The following MFSD2B variants were observed in gnomAD, a reference collection of about 807,000 sequenced individuals.
MFSD2B encodes sphingosine-1-phosphate transporter MFSD2B.
MFSD2B carries 56 observed loss-of-function variants against 58.4 expected under a neutral mutation model. That is an observed-to-expected ratio of 0.96 (90% CI 0.77 to 1.20). The LOEUF (loss-of-function observed/expected upper bound fraction) is 1.20. Among genes scored for constraint, MFSD2B ranks in the 50% most tolerant of loss-of-function variants. The pLI, the probability that MFSD2B is intolerant of heterozygous loss-of-function variation, is 0.00. For missense variants in MFSD2B, 645 were observed against 667.6 expected, an observed-to-expected ratio of 0.97 and a Z score of 0.37; for synonymous variants, 287 against 294.4, an observed-to-expected ratio of 0.97 and a Z score of 0.26.
Position 24,023,440 on chromosome 2 carries a change from C to T in MFSD2B, c.1170-143C>T. On this transcript the variant is annotated intron_variant, in intron 11 of 13. Coordinates refer to ENST00000338315, the MANE Select transcript of MFSD2B (RefSeq NM_001346880.2). The surrounding 1 kb of genome is among the most constrained non-coding windows in gnomAD (Gnocchi z 5.0). Reference sequence around the variant, plus strand: ...GGGGCTGGCGGGGGGTACGAGCACACAGGCCATCTGCTTCTCTGGTGGCCA... The same window carrying T: ...GGGGCTGGCGGGGGGTACGAGCACATAGGCCATCTGCTTCTCTGGTGGCCA... The T allele has an allele frequency of 1.9e-6, 2 of 1,051,144 alleles. No homozygotes were observed. The highest frequency in any genetic ancestry group is 2.7e-6 in the Non-Finnish European group (2 of 727,732). 65.1% of individuals were successfully genotyped at this position (1,051,144 alleles called of 1,614,324 possible). A position where few individuals can be genotyped will look rare whatever the true frequency, so the allele number is the denominator to read the frequency against.
rs1384172394 is a variant in MFSD2B, at chr2:24,022,006, C to T, written c.894+36C>T. On this transcript the variant is annotated intron_variant, in intron 8 of 13. Coordinates refer to ENST00000338315, the MANE Select transcript of MFSD2B (RefSeq NM_001346880.2). This position sits in a 1 kb window ranked among gnomAD's most constrained non-coding sequence, Gnocchi z 4.5. ...CCAGCTGCCCCCGACAGGCTTGGTG[C>T]TGGCCATGCTGACCTTGCATAGGTT... The T allele has an allele frequency of 6.2e-7, 1 of 1,613,022 alleles. No homozygotes were observed. Among genetic ancestry groups the T allele is most frequent in the Non-Finnish European group, 8.5e-7 (1 of 1,179,378 alleles).
rs921430813 is a variant in MFSD2B, at chr2:24,024,104, G to T, written c.1323G>T (p.Gly441=). Residue 441 remains glycine (G), a synonymous_variant, in exon 13 of 14, where the codon GGG becomes GGT. Transcript: ENST00000338315. The surrounding 1 kb of genome is among the most constrained non-coding windows in gnomAD (Gnocchi z 4.3). The stretch of plus-strand genomic sequence containing the variant: ...GCTGATGTTTCTCCAGGTTCTCGGG[G>T]TATAAGGCAGGGGTCTGCAAGCAAG... ...GISTLSLEFS[G]YKAGVCKQAE... 2 of 1,613,704 alleles carry T rather than the reference G, an allele frequency of 1.2e-6. No individual in the cohort carries two copies. Among genetic ancestry groups the T allele is most frequent in the African/African-American group, 2.7e-5 (2 of 74,920 alleles).
chr2:24,018,095 T>G (rs141483804), intron 6 of MFSD2B: 1,587 of 155,958 alleles, frequency 0.01, 16 homozygotes, highest in Middle Eastern at 0.035. Flanking sequence ...ACCTCTATTT[T>G]ATCCACCACA....
chr2:24,017,052 G>A lies in MFSD2B; in HGVS notation c.471+84G>A. 1 of 1,539,994 alleles carries A rather than the reference G, an allele frequency of 6.5e-7. No individual in the cohort carries two copies. Among genetic ancestry groups the A allele is most frequent in the Non-Finnish European group, 8.8e-7 (1 of 1,141,028 alleles). On this transcript the variant is annotated intron_variant, in intron 4 of 13. Transcript: ENST00000338315. The surrounding 1 kb of genome is among the most constrained non-coding windows in gnomAD (Gnocchi z 4.8). Reference sequence around the variant, plus strand: ...ACTCTGAAGTGTGCTGTGGGGGCAGGGCTGCCGCCCTCCCCACCCGCCTGT... The same window carrying A: ...ACTCTGAAGTGTGCTGTGGGGGCAGAGCTGCCGCCCTCCCCACCCGCCTGT...
At position 24,017,538 on chromosome 2, in the gene MFSD2B, A is replaced by G; in HGVS notation, c.631A>G (p.Arg211Gly). ...CGTGTCCGGCGCCCACAGACCCCACAGGTGCGAGGCCACTGCGACCCCGGG... is the reference window on the plus strand; with the variant it reads ...CGTGTCCGGCGCCCACAGACCCCACGGGTGCGAGGCCACTGCGACCCCGGG... ...LIVSGAHRPH[R>G]CEATATPGPV... is the part of the protein sequence containing the mutation. The change falls in exon 6 of 14, where the codon AGG (arginine) becomes GGG (glycine). Residue 211 changes from arginine (R) to glycine (G), a missense_variant. Arg to Gly is a moderately radical substitution (Grantham distance 125, BLOSUM62 -2). Coordinates refer to ENST00000338315, the MANE Select transcript of MFSD2B (RefSeq NM_001346880.2). This position sits in a 1 kb window ranked among gnomAD's most constrained non-coding sequence, Gnocchi z 4.8. 1 of 1,574,462 alleles carries G rather than the reference A, an allele frequency of 6.4e-7. No individual in the cohort carries two copies. The highest frequency in any genetic ancestry group is 8.6e-7 in the Non-Finnish European group (1 of 1,160,062).
rs1011216085 is a variant in MFSD2B, at chr2:24,016,910, C to T, written c.413C>T (p.Thr138Ile). The T allele has an allele frequency of 6.2e-7, 1 of 1,613,900 alleles. No homozygotes were observed. Among genetic ancestry groups the T allele is most frequent in the Non-Finnish European group, 8.5e-7 (1 of 1,179,854 alleles). ...TTCCTGTGGTTCCTGCCCCCCTTCA[C>T]CAGCCTGCGAGGCCTCTGGTACACG... Reference protein sequence around the residue: ...YFFLWFLPPFTSLRGLWYTTF... With the variant: ...YFFLWFLPPFISLRGLWYTTF... Residue 138 changes from threonine (T) to isoleucine (I), a missense_variant, in exon 4 of 14, where the codon ACC becomes ATC. Transcript: ENST00000338315.
intron 2 of MFSD2B, among the ~76,000 whole-genome samples, chr2:24,015,947 T>C (rs913291281): frequency 1.3e-5 from 2 of 152,194 alleles, no homozygotes; most frequent in Non-Finnish European, 1.5e-5. Flanking sequence ...TGAGTACTAA[T>C]GGGAGTGTGC....
chr2:24,022,073 C>A lies in MFSD2B; in HGVS notation c.894+103C>A, dbSNP rs1437319374. 3 of 1,372,148 alleles carry A rather than the reference C, an allele frequency of 2.2e-6. No individual in the cohort carries two copies. The highest frequency in any genetic ancestry group is 1.8e-5 in the Admixed American group (1 of 54,972). The allele number at this position is 1,372,148 out of a possible 1,614,324, so 85.0% of individuals were successfully genotyped here. On this transcript the variant is annotated intron_variant, in intron 8 of 13. Transcript: ENST00000338315. The surrounding 1 kb of genome is among the most constrained non-coding windows in gnomAD (Gnocchi z 4.5). Reference sequence around the variant, plus strand: ...CTTGAGTTTTATAGGGAGAAACCTGCGGCTGGCACATGGCTCAGAGGGGCT... The same window carrying A: ...CTTGAGTTTTATAGGGAGAAACCTGAGGCTGGCACATGGCTCAGAGGGGCT...
At chr2:24,016,810 C>A (rs759669239) in intron 3 of MFSD2B, 35 bp from the exon 4 acceptor site, 3 of 1,608,510 alleles carry the variant, frequency 1.9e-6, no homozygotes, top group African/African-American at 1.3e-5. Context: ...CTGTCTGGGT[C>A]GGGGGGCCGC....
rs960835801 is a variant in MFSD2B at position 24,017,309 on chromosome 2, G to A, written c.495G>A (p.Ala165=). Residue 165 remains alanine (A), a synonymous_variant, in exon 5 of 14, where the codon GCG becomes GCA. Transcript: ENST00000338315. This position sits in a 1 kb window ranked among gnomAD's most constrained non-coding sequence, Gnocchi z 4.8. Reference sequence around the variant, plus strand: ...AGTTCTTCCAGGTGCCCTACACAGCGCTCACCATGCTGCTGACTCCCTGCC... The same window carrying A: ...AGTTCTTCCAGGTGCCCTACACAGCACTCACCATGCTGCTGACTCCCTGCC... ...LATFFQVPYT[A]LTMLLTPCPR... 28 of 1,604,150 alleles carry A rather than the reference G, an allele frequency of 1.7e-5. No individual in the cohort carries two copies. Among genetic ancestry groups the A allele is most frequent in the South Asian group, 2.2e-5 (2 of 89,106 alleles).
intron 6 of MFSD2B, among the ~76,000 whole-genome samples, chr2:24,019,747 G>A (rs556795557): frequency 6.6e-6 from 1 of 152,216 alleles, no homozygotes; most frequent in African/African-American, 2.4e-5. Context: ...GAAGGGCCTT[G>A]GAAAGTCAAT....
Position 24,022,472 on chromosome 2 carries a change from TC to T in MFSD2B, c.937del (p.Gln313SerfsTer11). Reference sequence around the variant, plus strand: ...CCTGGTCCTGTTCTGTACACATGCCTCCCAGCTACACGACCACGTCCAGGGC... The same window carrying T: ...CCTGGTCCTGTTCTGTACACATGCCTCCAGCTACACGACCACGTCCAGGGC... ...SYLVLFCTHA[S>X]QLHDHVQGLV... On this transcript the variant is annotated frameshift_variant, in exon 9 of 14. Transcript: ENST00000338315. LOFTEE classifies it high-confidence loss of function. The surrounding 1 kb of genome is among the most constrained non-coding windows in gnomAD (Gnocchi z 4.5). 1 of 1,613,282 alleles carries T rather than the reference TC, an allele frequency of 6.2e-7. No individual in the cohort carries two copies. The highest frequency in any genetic ancestry group is 8.5e-7 in the Non-Finnish European group (1 of 1,179,720).
intron 2 of MFSD2B, among the ~76,000 whole-genome samples, chr2:24,015,438 C>G (rs891152790): frequency 1.3e-5 from 2 of 152,052 alleles, no homozygotes; most frequent in South Asian, 4.2e-4. Flanking sequence ...GGCAACAGAG[C>G]GAGGCCCTGT....
Position 24,021,686 on chromosome 2 carries a change from G to C in MFSD2B, c.720G>C (p.Val240=), listed in dbSNP as rs777335703. The part of the protein sequence containing the change: ...LYCIAAAVVV[V]TYPVCISLLC... ...GCATTGCGGCTGCCGTGGTTGTAGT[G>C]ACTTACCCCGTGTGCATCAGTTTAC... The change falls in exon 7 of 14, where the codon GTG becomes GTC. Residue 240 remains valine, a synonymous_variant. Transcript: ENST00000338315. The surrounding 1 kb of genome is among the most constrained non-coding windows in gnomAD (Gnocchi z 5.7). 3 of 1,613,584 alleles carry C rather than the reference G, an allele frequency of 1.9e-6. No homozygotes were observed. The South Asian group carries it at 3.3e-5, about 18-fold the overall frequency.
At chr2:24,010,233 G>C in intron 1 of MFSD2B, 41 bp downstream of exon 1, 1 of 1,327,188 alleles carries the variant, frequency 7.5e-7, no homozygotes, top group Non-Finnish European at 9.7e-7. Context: ...CTGCGTCCTC[G>C]GGGAGCTCCA....
rs974945143 is a variant in MFSD2B, at chr2:24,025,889, A to G, written c.*433A>G. 3.1e-5 allele frequency: 5 copies of G among 162,660 alleles called. No individual in the cohort carries two copies. Among genetic ancestry groups the G allele is most frequent in the African/African-American group, 1.2e-4 (5 of 41,648 alleles). The allele number at this position is 162,660 out of a possible 1,614,324, so 10.1% of individuals were successfully genotyped here. On this transcript the variant is annotated 3_prime_UTR_variant, in exon 14 of 14. Coordinates refer to ENST00000338315, the MANE Select transcript of MFSD2B (RefSeq NM_001346880.2). ...CAGGTGCCCGCCACCACGCCCAGCT[A>G]ATTTTTGTATTTTTAGTAGAGACGG... is the stretch of plus-strand genomic sequence containing the variant.
chr2:24,016,244 G>A lies in MFSD2B; in HGVS notation c.311G>A (p.Arg104Lys). 3 of 1,613,990 alleles carry A rather than the reference G, an allele frequency of 1.9e-6. No homozygotes were observed. Among genetic ancestry groups the A allele is most frequent in the Middle Eastern group, 1.7e-4 (1 of 6,054 alleles). The change falls in exon 3 of 14, where the codon AGG becomes AAG. Residue 104 changes from arginine (R) to lysine (K), a missense_variant. Physicochemically the swap from Arg to Lys is conservative, Grantham distance 26. Coordinates refer to ENST00000338315, the MANE Select transcript of MFSD2B (RefSeq NM_001346880.2). Reference sequence around the variant, plus strand: ...CCTGTGGCTGGGTTCTTCATCAACAGGAGCCAGAGGACAGGGTCTGGACGG... The same window carrying A: ...CCTGTGGCTGGGTTCTTCATCAACAAGAGCCAGAGGACAGGGTCTGGACGG... ...ADPVAGFFIN[R>K]SQRTGSGRLM... is the part of the protein sequence containing the mutation.
chr2:24,024,029 AGTCCCTCCACCCAG>A lies in MFSD2B; in HGVS notation c.1314-64_1314-51del, dbSNP rs901346370. ...GGGGGTGGGGTGGGGTGAGGTGTCGAGTCCCTCCACCCAGGGTGCCAGGCTCAGCAGGCCCTGCC... is the reference window on the plus strand; with the variant it reads ...GGGGGTGGGGTGGGGTGAGGTGTCGAGGTGCCAGGCTCAGCAGGCCCTGCC... On this transcript the variant is annotated intron_variant, in intron 12 of 13. Transcript: ENST00000338315. The surrounding 1 kb of genome is among the most constrained non-coding windows in gnomAD (Gnocchi z 4.3). 6.6e-7 allele frequency: 1 copy of A among 1,515,994 alleles called. No individual in the cohort carries two copies. Among genetic ancestry groups the A allele is most frequent in the Admixed American group, 1.8e-5 (1 of 56,404 alleles). 93.9% of individuals were successfully genotyped at this position (1,515,994 alleles called of 1,614,324 possible).
chr2:24,017,677 C>A lies in MFSD2B; in HGVS notation c.681+89C>A. The A allele has an allele frequency of 7.2e-7, 1 of 1,384,868 alleles. No individual in the cohort carries two copies. The highest frequency in any genetic ancestry group is 9.7e-7 in the Non-Finnish European group (1 of 1,031,424). The allele number at this position is 1,384,868 out of a possible 1,614,324, so 85.8% of individuals were successfully genotyped here. On this transcript the variant is annotated intron_variant, in intron 6 of 13. Coordinates refer to ENST00000338315, the MANE Select transcript of MFSD2B (RefSeq NM_001346880.2). The surrounding 1 kb of genome is among the most constrained non-coding windows in gnomAD (Gnocchi z 4.8). Reference sequence around the variant, plus strand: ...TCTAGGGCTGGTTCTCCCGTCCACACCACTTTGTTGTCTTTTAGGGGGCTC... The same window carrying A: ...TCTAGGGCTGGTTCTCCCGTCCACAACACTTTGTTGTCTTTTAGGGGGCTC...
Sources: allele counts gnomAD v4.1 joint callset (sites outside exome capture counted in the v4.1 genomes callset), GRCh38; gene constraint gnomAD v4.1.1; non-coding constraint Gnocchi (gnomAD v3.1); transcripts MANE v1.5; gene names NCBI Gene and HGNC (gene_info 2026-07-23, HGNC 2026-07-21).